Variants in GRIA4 observed in about 807,000 individuals in gnomAD.
GRIA4 encodes glutamate receptor 4.
GRIA4 carries 34 observed loss-of-function variants against 104.0 expected under a neutral mutation model. That is an observed-to-expected ratio of 0.33 (90% confidence interval 0.25 to 0.44). GRIA4 has a LOEUF of 0.44. Among genes scored for constraint, GRIA4 ranks in the 20% least tolerant of loss-of-function variants. GRIA4 has a pLI of 1.00. For synonymous variants in GRIA4, 386 were observed against 381.9 expected, an observed-to-expected ratio of 1.01 and a Z score of -0.13; for missense variants, 750 against 1,096.5, an observed-to-expected ratio of 0.68 and a Z score of 4.46.
chr11:105,911,969 C>A, intron 10 of GRIA4: 1 of 1,502,218 alleles, frequency 6.7e-7, no homozygotes, highest in South Asian at 1.3e-5. Context: ...AAGTCTTGTT[C>A]TCCAGTGTAG....
At chr11:105,814,816 T>C (rs1182929137) in intron 4 of GRIA4, among the ~76,000 whole-genome samples, 6 of 152,146 alleles carry the variant, frequency 3.9e-5, no homozygotes, top group Non-Finnish European at 7.4e-5. Flanking sequence ...CCTGTCACTA[T>C]AGGGAATCTC....
chr11:105,859,247 G>C (rs1283651456), intron 4 of GRIA4, among the ~76,000 whole-genome samples: 1 of 152,114 alleles, frequency 6.6e-6, no homozygotes, highest in Non-Finnish European at 1.5e-5. Context: ...GCTTATAAAA[G>C]AGTATGATTT....
intron 3 of GRIA4, chr11:105,612,661 CTT>C (rs1950510742): frequency 2.1e-6 from 1 of 481,022 alleles, no homozygotes; most frequent in Non-Finnish European, 3.6e-6. Context: ...TCCTCCCTCT[CTT>C]TGCTTCTTCC....
intron 3 of GRIA4, among the ~76,000 whole-genome samples, chr11:105,689,253 A>G (rs1953001883): frequency 6.6e-6 from 1 of 152,162 alleles, no homozygotes; most frequent in African/African-American, 2.4e-5. Context: ...GGGAAAGTGT[A>G]TTAGAGCAGG....
intron 3 of GRIA4, among the ~76,000 whole-genome samples, chr11:105,704,862 C>G (rs1301235153): frequency 6.6e-6 from 1 of 152,212 alleles, no homozygotes; most frequent in South Asian, 2.1e-4. Context: ...ATTTAACTCA[C>G]TCCTTATAAA....
At chr11:105,931,936 C>A (rs981790375) in intron 13 of GRIA4, among the ~76,000 whole-genome samples, 1 of 152,002 alleles carries the variant, frequency 6.6e-6, no homozygotes, top group African/African-American at 2.4e-5. Context: ...AAAGAACTGC[C>A]TCTTGTTGAA....
chr11:105,933,326 C>G (rs1947937447), intron 13 of GRIA4, among the ~76,000 whole-genome samples: 1 of 151,980 alleles, frequency 6.6e-6, no homozygotes, highest in South Asian at 2.1e-4. Context: ...ATTTTACAAA[C>G]TTGAAATAAA....
chr11:105,719,697 T>C (rs1473790148), intron 3 of GRIA4, among the ~76,000 whole-genome samples: 1 of 151,728 alleles, frequency 6.6e-6, no homozygotes, highest in Non-Finnish European at 1.5e-5. Context: ...CATAAGTACA[T>C]ACTATAAAGG....
intron 3 of GRIA4, among the ~76,000 whole-genome samples, chr11:105,733,686 G>A (rs1215581073): frequency 6.6e-6 from 1 of 151,960 alleles, no homozygotes; most frequent in Non-Finnish European, 1.5e-5. Context: ...TCAAACTCCT[G>A]ACCTCATGAT....
At chr11:105,780,796 T>C (rs1941693842) in intron 4 of GRIA4, among the ~76,000 whole-genome samples, 1 of 152,176 alleles carries the variant, frequency 6.6e-6, no homozygotes, top group Non-Finnish European at 1.5e-5. Flanking sequence ...TCATGCACTT[T>C]AGTCTGCAGG....
At chr11:105,842,954 A>G (rs554214464) in intron 4 of GRIA4, 1 of 152,264 alleles carries the variant, frequency 6.6e-6, no homozygotes, top group South Asian at 2.1e-4. Flanking sequence ...AGAAACTCAG[A>G]AACTTATTTT....
chr11:105,821,151 G>C (rs181494326), intron 4 of GRIA4, among the ~76,000 whole-genome samples: 138 of 152,138 alleles, frequency 9.1e-4, no homozygotes, highest in Non-Finnish European at 1.6e-3. Flanking sequence ...TGAGATAAAA[G>C]CTTAAATTTT....
intron 3 of GRIA4, among the ~76,000 whole-genome samples, chr11:105,695,754 T>C (rs1266070939): frequency 2.0e-5 from 3 of 152,238 alleles, no homozygotes; most frequent in African/African-American, 4.8e-5. Context: ...ATTTAGTTGC[T>C]ATTTTTTTAA....
chr11:105,752,746 G>A (rs1940076994), intron 3 of GRIA4, among the ~76,000 whole-genome samples: 1 of 152,018 alleles, frequency 6.6e-6, no homozygotes, highest in Non-Finnish European at 1.5e-5. Context: ...GCTTCTTAAT[G>A]CAGAATTTTA....
At chr11:105,937,550 A>C (rs930029259) in intron 14 of GRIA4, among the ~76,000 whole-genome samples, 7 of 152,156 alleles carry the variant, frequency 4.6e-5, no homozygotes, top group Non-Finnish European at 7.4e-5. Flanking sequence ...GTGTCTGTAA[A>C]TACCTCCGGA....
At chr11:105,689,293 T>C (rs1210071467) in intron 3 of GRIA4, among the ~76,000 whole-genome samples, 2 of 152,118 alleles carry the variant, frequency 1.3e-5, no homozygotes, top group African/African-American at 4.8e-5. Flanking sequence ...ACTTAAGAGA[T>C]AATGAAAATG....
chr11:105,883,670 C>G (rs945713302), intron 5 of GRIA4, among the ~76,000 whole-genome samples: 2 of 152,100 alleles, frequency 1.3e-5, no homozygotes, highest in African/African-American at 2.4e-5. Context: ...TTAATCCAAT[C>G]TATCATTGAT....
chr11:105,838,628 G>A (rs1446619150), intron 4 of GRIA4, among the ~76,000 whole-genome samples: 2 of 152,066 alleles, frequency 1.3e-5, no homozygotes, highest in African/African-American at 4.8e-5. Context: ...GAACTAAAAT[G>A]TTCTGCCATT....
chr11:105,910,380 G>T, intron 9 of GRIA4, 55 bp from the exon 10 acceptor site: 1 of 842,778 alleles, frequency 1.2e-6, no homozygotes. Context: ...TTTCTAAGAA[G>T]AACTAGAGTA....
Sources: allele counts gnomAD v4.1 joint callset (sites outside exome capture counted in the v4.1 genomes callset), GRCh38; gene constraint gnomAD v4.1.1; transcripts MANE v1.5; gene names NCBI Gene and HGNC (gene_info 2026-07-23, HGNC 2026-07-21).